The following SCN2A variants were observed in gnomAD, a reference collection of about 807,000 sequenced individuals.
SCN2A encodes the protein sodium voltage-gated channel alpha subunit 2.
In SCN2A, 20 loss-of-function variants were observed where a neutral mutation model predicts 188.7. The observed-to-expected ratio is 0.11, with a 90% CI of 0.07 to 0.15. SCN2A has a LOEUF of 0.15. SCN2A is among the 10% of genes least tolerant of loss of function. SCN2A has a pLI of 1.00. For synonymous variants in SCN2A, 804 were observed against 833.1 expected (o/e 0.97, Z 0.60); for missense variants, 1,278 against 2,445.0 (o/e 0.52, Z 10.07).
At chr2:165,306,516 G>T (rs1447215251) in intron 3 of SCN2A, among the ~76,000 whole-genome samples, 2 of 33,452 alleles carry the variant, frequency 6.0e-5, no homozygotes, top group African/African-American at 1.8e-4. Context: ...GTGTGTGTGT[G>T]TGTGTGTGTG....
At chr2:165,323,574 C>T in intron 12 of SCN2A, 74 bp downstream of exon 12, 1 of 1,368,556 alleles carries the variant, frequency 7.3e-7, no homozygotes, top group Non-Finnish European at 1.0e-6. Flanking sequence ...TTTCCATTTC[C>T]ACATCTAAGA....
intron 3 of SCN2A, among the ~76,000 whole-genome samples, chr2:165,303,575 A>G (rs754471587): frequency 1.3e-5 from 2 of 152,022 alleles, no homozygotes; most frequent in Non-Finnish European, 2.9e-5. Context: ...GCGCCTGGCC[A>G]TATTTGAGTA....
At chr2:165,280,417 T>A (rs1455358462) in intron 1 of SCN2A, among the ~76,000 whole-genome samples, 1 of 152,318 alleles carries the variant, frequency 6.6e-6, no homozygotes, top group Admixed American at 6.5e-5. Context: ...GTCCCTTTTA[T>A]TGTTATCTCT....
intron 1 of SCN2A, among the ~76,000 whole-genome samples, chr2:165,275,569 T>A (rs1695298630): frequency 6.6e-6 from 1 of 152,186 alleles, no homozygotes; most frequent in African/African-American, 2.4e-5. Flanking sequence ...TTTCAAAATT[T>A]TTGTTAAATG....
chr2:165,247,599 G>T (rs1446654228), intron 1 of SCN2A, among the ~76,000 whole-genome samples: 1 of 152,094 alleles, frequency 6.6e-6, no homozygotes, highest in Non-Finnish European at 1.5e-5. Flanking sequence ...TTAGCTTATT[G>T]TTCACTCCTT....
intron 19 of SCN2A, among the ~76,000 whole-genome samples, chr2:165,368,997 C>G (rs919094654): frequency 1.3e-4 from 20 of 151,958 alleles, no homozygotes; most frequent in African/African-American, 4.6e-4. Context: ...GTGATCTCGA[C>G]TCACTGCAGC....
chr2:165,348,125 G>A (rs926425056), intron 16 of SCN2A, among the ~76,000 whole-genome samples: 3 of 152,158 alleles, frequency 2.0e-5, no homozygotes, highest in Admixed American at 6.5e-5. Context: ...TTGGGAGACT[G>A]AAGTGGGCGT....
At chr2:165,360,873 A>G (rs893406814) in intron 17 of SCN2A, among the ~76,000 whole-genome samples, 4 of 152,092 alleles carry the variant, frequency 2.6e-5, no homozygotes, top group African/African-American at 9.6e-5. Flanking sequence ...AATTATGCCT[A>G]GATTGGAGCA....
chr2:165,317,126 G>A (rs1473664553), intron 11 of SCN2A, among the ~76,000 whole-genome samples: 1 of 151,792 alleles, frequency 6.6e-6, no homozygotes, highest in Non-Finnish European at 1.5e-5. Flanking sequence ...ATTTTTTTAG[G>A]TCAGCCTTAT....
rs543514201 is a variant in SCN2A, at chr2:165,278,373, G to A, written c.-51-17400G>A. Among the ~76,000 whole-genome samples the A allele has an allele frequency of 8.5e-5, 13 of 152,264 alleles. No homozygotes were observed. The South Asian group carries it at 2.5e-3, about 29-fold the overall frequency. The stretch of plus-strand genomic sequence containing the variant: ...CAGGAAACTTACTATCATGGCAAAA[G>A]GCAAAGAGGAGGCAAGGCACCTTTT... On this transcript the variant is annotated intron_variant, in intron 1 of 26. Transcript: ENST00000375437.
intron 20 of SCN2A, 59 bp from the exon 21 acceptor site, chr2:165,373,166 T>C: frequency 6.3e-7 from 1 of 1,576,426 alleles, no homozygotes; most frequent in Non-Finnish European, 8.7e-7. Flanking sequence ...AGAGCAAGGC[T>C]GAACTGTGTA....
At chr2:165,257,305 T>C (rs1044906550) in intron 1 of SCN2A, among the ~76,000 whole-genome samples, 3 of 152,228 alleles carry the variant, frequency 2.0e-5, no homozygotes, top group Admixed American at 2.0e-4. Flanking sequence ...TGTGGTCTTC[T>C]ATTGGCACAT....
chr2:165,310,009 G>A (rs1203402970), intron 6 of SCN2A, among the ~76,000 whole-genome samples: 1 of 152,016 alleles, frequency 6.6e-6, no homozygotes, highest in Non-Finnish European at 1.5e-5. Context: ...GCAAATAAAA[G>A]CAAAATATTT....
At chr2:165,314,911 A>G (rs1392799898) in intron 10 of SCN2A, among the ~76,000 whole-genome samples, 1 of 152,188 alleles carries the variant, frequency 6.6e-6, no homozygotes, top group Non-Finnish European at 1.5e-5. Flanking sequence ...TTACAAGTTC[A>G]TGCAGATGCC....
At chr2:165,331,923 C>A (rs1395680790) in intron 14 of SCN2A, among the ~76,000 whole-genome samples, 1 of 151,904 alleles carries the variant, frequency 6.6e-6, no homozygotes, top group Non-Finnish European at 1.5e-5. Context: ...ATAAAATATG[C>A]CCAAGTCAGA....
At chr2:165,368,799 T>A (rs1700866305) in intron 19 of SCN2A, among the ~76,000 whole-genome samples, 1 of 152,186 alleles carries the variant, frequency 6.6e-6, no homozygotes, top group Admixed American at 6.5e-5. Context: ...GTGAGTTGAT[T>A]TCATTAGGAG....
chr2:165,338,525 G>A (rs567039982), intron 14 of SCN2A, among the ~76,000 whole-genome samples: 160 of 152,152 alleles, frequency 1.1e-3, no homozygotes, highest in African/African-American at 3.6e-3. Context: ...CTCCCAAAGT[G>A]CTGGGATTAC....
At chr2:165,342,795 C>T (rs567674881) in intron 15 of SCN2A, among the ~76,000 whole-genome samples, 154 of 152,264 alleles carry the variant, frequency 1.0e-3, no homozygotes, top group African/African-American at 3.5e-3. Context: ...TGCATAACTG[C>T]GTACAAAGCT....
At chr2:165,381,031 A>T (rs1274282997) in intron 24 of SCN2A, 62 bp from the exon 25 acceptor site, 1 of 1,145,760 alleles carries the variant, frequency 8.7e-7, no homozygotes, top group Non-Finnish European at 1.3e-6. Flanking sequence ...CATGATTACT[A>T]AGGTGGATTT....
Sources: gnomAD v4.1 joint callset for allele counts (sites outside exome capture counted in the v4.1 genomes callset) on GRCh38, gnomAD v4.1.1 for gene constraint, MANE v1.5 for transcripts, NCBI Gene and HGNC (gene_info 2026-07-23, HGNC 2026-07-21) for gene names.